DCDC1: variants seen among roughly 807,000 people sequenced by gnomAD.
DCDC1 encodes doublecortin domain containing 1, also known as doublecortin domain-containing protein 1.
DCDC1 carries 200 observed loss-of-function variants against 178.3 expected under a neutral mutation model. The observed-to-expected ratio is 1.12, with a 90% CI of 1.00 to 1.26. The LOEUF is 1.26. DCDC1 is among the 50% of genes most tolerant of loss of function. The pLI is 0.00. For synonymous variants in DCDC1, 690 were observed against 604.8 expected, an observed-to-expected ratio of 1.14 and a Z score of -2.07; for missense variants, 1,983 against 1,749.2, an observed-to-expected ratio of 1.13 and a Z score of -2.38.
At chr11:30,895,286 C>T (rs1944110636) in intron 34 of DCDC1, among the ~76,000 whole-genome samples, 1 of 152,060 alleles carries the variant, frequency 6.6e-6, no homozygotes, top group African/African-American at 2.4e-5. Flanking sequence ...GGAAGGCAGA[C>T]ATCAAGGAAA....
intron 7 of DCDC1, chr11:31,280,818 C>G (rs1306132510): frequency 3.2e-6 from 2 of 619,540 alleles, no homozygotes; most frequent in Non-Finnish European, 3.1e-6. Context: ...CAGGTGATGC[C>G]TTTGTTCTTA....
At chr11:31,186,887 G>A (rs1002572400) in intron 9 of DCDC1, among the ~76,000 whole-genome samples, 1 of 152,114 alleles carries the variant, frequency 6.6e-6, no homozygotes, top group African/African-American at 2.4e-5. Flanking sequence ...GTTTGGTAAT[G>A]CATCCCTTTG....
chr11:30,983,155 A>G (rs934159398), intron 20 of DCDC1, among the ~76,000 whole-genome samples: 1 of 152,196 alleles, frequency 6.6e-6, no homozygotes, highest in African/African-American at 2.4e-5. Context: ...GAACTTAACA[A>G]AATAAAAAAA....
At chr11:30,924,996 A>G (rs1195462534) in intron 23 of DCDC1, among the ~76,000 whole-genome samples, 2 of 151,766 alleles carry the variant, frequency 1.3e-5, no homozygotes, top group African/African-American at 4.8e-5. Flanking sequence ...TTGCTTGAGC[A>G]TGGGAGGCAG....
intron 9 of DCDC1, among the ~76,000 whole-genome samples, chr11:31,190,471 C>A (rs544048181): frequency 1.1e-3 from 162 of 152,124 alleles, no homozygotes; most frequent in African/African-American, 3.4e-3. Flanking sequence ...AAATATTTAC[C>A]CTAATTCAAG....
chr11:31,247,983 T>C lies in DCDC1; in HGVS notation c.1055-6367A>G, dbSNP rs559967773. On this transcript the variant is annotated intron_variant, in intron 8 of 38. Coordinates refer to ENST00000684477, the MANE Select transcript of DCDC1 (RefSeq NM_001387274.1). The stretch of plus-strand genomic sequence containing the variant: ...AGAAATACTGAGAATTAACTATACC[T>C]AGTCAATTTTTATGTGGCCATGGCC... Among the ~76,000 whole-genome samples the C allele has an allele frequency of 9.9e-5, 15 of 152,220 alleles. No homozygotes were observed. In the South Asian group the frequency reaches 2.7e-3, roughly 27 times the overall value.
At chr11:30,886,095 G>A (rs631786) in intron 36 of DCDC1, among the ~76,000 whole-genome samples, 1,606 of 151,908 alleles carry the variant, frequency 0.011, 19 homozygotes, top group African/African-American at 0.037. Flanking sequence ...TTGTATATAC[G>A]TGTGATCTAC....
intron 11 of DCDC1, among the ~76,000 whole-genome samples, chr11:31,118,911 C>A (rs1258535796): frequency 6.6e-6 from 1 of 152,180 alleles, no homozygotes; most frequent in Non-Finnish European, 1.5e-5. Context: ...TTCTCTTCAG[C>A]ACATCTTGAA....
At chr11:31,313,545 C>T (rs1406199476) in intron 3 of DCDC1, among the ~76,000 whole-genome samples, 1 of 151,984 alleles carries the variant, frequency 6.6e-6, no homozygotes, top group Non-Finnish European at 1.5e-5. Context: ...TAATTATATA[C>T]ATTTTACATT....
intron 22 of DCDC1, among the ~76,000 whole-genome samples, chr11:30,927,514 A>C (rs1363728299): frequency 1.3e-5 from 2 of 152,186 alleles, no homozygotes; most frequent in African/African-American, 4.8e-5. Flanking sequence ...GTTGAGGAAA[A>C]CAAGCCTTGG....
chr11:31,235,945 AT>A (rs1263975986), intron 9 of DCDC1, among the ~76,000 whole-genome samples: 3 of 151,878 alleles, frequency 2.0e-5, no homozygotes, highest in Non-Finnish European at 4.4e-5. Context: ...AAAAACCTCT[AT>A]TTTTTTCCAA....
intron 6 of DCDC1, among the ~76,000 whole-genome samples, chr11:31,293,558 G>T (rs1371097426): frequency 6.6e-6 from 1 of 152,110 alleles, no homozygotes; most frequent in Admixed American, 6.5e-5. Context: ...GTGTCCCAGT[G>T]ATACTTCACT....
chr11:31,144,124 A>AT (rs1964165166), intron 9 of DCDC1, among the ~76,000 whole-genome samples: 1 of 151,950 alleles, frequency 6.6e-6, no homozygotes, highest in Non-Finnish European at 1.5e-5. Flanking sequence ...AAACTTACTT[A>AT]TTTTTTTATT....
At chr11:31,277,241 T>C (rs1946060953) in intron 7 of DCDC1, among the ~76,000 whole-genome samples, 1 of 152,144 alleles carries the variant, frequency 6.6e-6, no homozygotes, top group African/African-American at 2.4e-5. Flanking sequence ...CCTGGTTTCA[T>C]TCATTTACCA....
In DCDC1 at chr11:30,906,432, T is replaced by C. The variant is rs1183288657; in HGVS notation, c.4104+108A>G. 5.4e-6 allele frequency: 6 copies of C among 1,110,042 alleles called. No homozygotes were observed. In the South Asian group the frequency reaches 7.0e-5, roughly 13 times the overall value. 68.8% of individuals were successfully genotyped at this position (1,110,042 alleles called of 1,614,324 possible). ...ATGGTAAAGGTGCATCTGAGGAAGA[T>C]GAATTGGATGAGTGGAGATGAACTT... On this transcript the variant is annotated intron_variant, in intron 30 of 38. Coordinates refer to ENST00000684477, the MANE Select transcript of DCDC1 (RefSeq NM_001387274.1).
At chr11:31,203,295 G>A (rs1342172986) in intron 9 of DCDC1, among the ~76,000 whole-genome samples, 1 of 151,996 alleles carries the variant, frequency 6.6e-6, no homozygotes, top group Non-Finnish European at 1.5e-5. Context: ...TGGAGCAAGT[G>A]GATACTAAAA....
intron 9 of DCDC1, among the ~76,000 whole-genome samples, chr11:31,211,409 T>G (rs1972518157): frequency 6.6e-6 from 1 of 152,220 alleles, no homozygotes; most frequent in Admixed American, 6.5e-5. Flanking sequence ...ACTATCCACA[T>G]GCCTACTACC....
At chr11:30,992,478 C>G (rs1951042863) in intron 20 of DCDC1, 1 of 152,178 alleles carries the variant, frequency 6.6e-6, no homozygotes, top group Non-Finnish European at 1.5e-5. Flanking sequence ...CATATTCAAG[C>G]TTTCCAGGCC....
At chr11:31,019,114 C>T (rs901335482) in intron 20 of DCDC1, among the ~76,000 whole-genome samples, 1 of 152,160 alleles carries the variant, frequency 6.6e-6, no homozygotes, top group Admixed American at 6.5e-5. Flanking sequence ...AGTTACATCA[C>T]ATCCCTCAAT....
Sources: gnomAD v4.1 joint callset for allele counts (sites outside exome capture counted in the v4.1 genomes callset) on GRCh38, gnomAD v4.1.1 for gene constraint, MANE v1.5 for transcripts, NCBI Gene and HGNC (gene_info 2026-07-23, HGNC 2026-07-21) for gene names.